The following ESR1 variants were observed in gnomAD, a reference collection of about 807,000 sequenced individuals.
The protein encoded by ESR1 is estrogen receptor.
Under a neutral mutation model 52.7 loss-of-function variants are expected in ESR1, and 12 were observed. The observed-to-expected ratio is 0.23, with a 90% CI of 0.15 to 0.37. The LOEUF (loss-of-function observed/expected upper bound fraction) is 0.37. Ranked by LOEUF, ESR1 falls within the 10% of genes least tolerant of loss-of-function variation. The pLI, the probability that ESR1 is intolerant of heterozygous loss-of-function variation, is 1.00. For missense variants in ESR1, 584 were observed against 779.7 expected (o/e 0.75, Z 2.99); for synonymous variants, 305 against 316.8 (o/e 0.96, Z 0.39).
intron 6 of ESR1, among the ~76,000 whole-genome samples, chr6:152,093,804 C>A (rs2050396007): frequency 6.6e-6 from 1 of 152,170 alleles, no homozygotes; most frequent in Non-Finnish European, 1.5e-5. Flanking sequence ...GGAAAAATCA[C>A]CTTCCAGTCA....
intron 2 of ESR1, among the ~76,000 whole-genome samples, chr6:151,741,644 T>A (rs1783104947): frequency 6.6e-6 from 1 of 152,172 alleles, no homozygotes; most frequent in Non-Finnish European, 1.5e-5. Context: ...CAACTTGATT[T>A]TTTCAAAATT....
At chr6:152,038,203 G>A (rs1368790844) in intron 5 of ESR1, among the ~76,000 whole-genome samples, 1 of 152,180 alleles carries the variant, frequency 6.6e-6, no homozygotes, top group African/African-American at 2.4e-5. Flanking sequence ...ATGGGAGAAA[G>A]ATGGAAGCCA....
intron 2 of ESR1, among the ~76,000 whole-genome samples, chr6:151,767,774 G>A (rs540513527): frequency 6.6e-6 from 1 of 152,296 alleles, no homozygotes; most frequent in East Asian, 1.9e-4. Context: ...AGGTCTAGTG[G>A]CTCCACAACT....
intron 4 of ESR1, among the ~76,000 whole-genome samples, chr6:151,988,025 CT>C (rs2040658225): frequency 1.3e-5 from 2 of 152,180 alleles, no homozygotes; most frequent in African/African-American, 4.8e-5. Flanking sequence ...GTCCCCAACC[CT>C]TTTGGCACCA....
intron 2 of ESR1, among the ~76,000 whole-genome samples, chr6:151,722,879 G>C (rs1455855641): frequency 6.6e-6 from 1 of 152,124 alleles, no homozygotes; most frequent in Non-Finnish European, 1.5e-5. Flanking sequence ...CAGGGTCTGG[G>C]CTTATAAAAA....
intron 3 of ESR1, among the ~76,000 whole-genome samples, chr6:151,906,927 G>T (rs533212869): frequency 6.6e-6 from 1 of 150,588 alleles, no homozygotes; most frequent in South Asian, 2.1e-4. Context: ...AGAGAATTTT[G>T]TTTATTATGT....
At chr6:151,759,099 ACT>A (rs200525909) in intron 2 of ESR1, among the ~76,000 whole-genome samples, 1,804 of 151,914 alleles carry the variant, frequency 0.012, 34 homozygotes, top group African/African-American at 0.041. Flanking sequence ...ACATGGTGAC[ACT>A]CTGTCTCTAC....
chr6:151,716,425 G>A (rs769435819), intron 2 of ESR1, among the ~76,000 whole-genome samples: 14 of 152,142 alleles, frequency 9.2e-5, no homozygotes, highest in Non-Finnish European at 1.8e-4. Context: ...CTGAAGCTGT[G>A]CTCACAGCCG....
At chr6:151,725,027 T>C (rs1028433461) in intron 2 of ESR1, among the ~76,000 whole-genome samples, 17 of 152,218 alleles carry the variant, frequency 1.1e-4, no homozygotes, top group African/African-American at 4.1e-4. Context: ...TGACATTCTA[T>C]GTATTTTCCT....
chr6:151,700,395 G>T (rs560990354), intron 1 of ESR1, among the ~76,000 whole-genome samples: 6 of 151,962 alleles, frequency 3.9e-5, no homozygotes, highest in East Asian at 3.9e-4. Context: ...AGCAATTTCT[G>T]TACCTCCTTA....
At chr6:151,969,726 T>C (rs1474831257) in intron 4 of ESR1, among the ~76,000 whole-genome samples, 1 of 152,218 alleles carries the variant, frequency 6.6e-6, no homozygotes, top group Non-Finnish European at 1.5e-5. Flanking sequence ...TTGCTTAGCC[T>C]GTTTCCATTG....
chr6:152,034,079 G>A (rs1369304000), intron 5 of ESR1, among the ~76,000 whole-genome samples: 1 of 149,680 alleles, frequency 6.7e-6, no homozygotes, highest in Non-Finnish European at 1.5e-5. Context: ...CTCATAGGTG[G>A]GAGTTGAACA....
intron 3 of ESR1, among the ~76,000 whole-genome samples, chr6:151,923,406 T>C (rs1269852628): frequency 6.6e-6 from 1 of 152,210 alleles, no homozygotes; most frequent in African/African-American, 2.4e-5. Flanking sequence ...ATAGTTCCTA[T>C]GGAATAGAAT....
At chr6:152,092,826 C>G (rs897897621) in intron 6 of ESR1, among the ~76,000 whole-genome samples, 1 of 152,168 alleles carries the variant, frequency 6.6e-6, no homozygotes, top group African/African-American at 2.4e-5. Flanking sequence ...CATTTTCTTC[C>G]TGTCCTTGGG....
chr6:151,792,390 A>G (rs1314500287), intron 2 of ESR1, among the ~76,000 whole-genome samples: 1 of 152,056 alleles, frequency 6.6e-6, no homozygotes, highest in African/African-American at 2.4e-5. Context: ...TCTTTCTTCA[A>G]TCAATAATAA....
intron 1 of ESR1, among the ~76,000 whole-genome samples, chr6:151,666,246 C>T (rs1777817879): frequency 6.6e-6 from 1 of 152,068 alleles, no homozygotes; most frequent in African/African-American, 2.4e-5. Context: ...AGACACTGAC[C>T]CTCTTTTTCA....
At chr6:151,743,374 A>T (rs1783242215) in intron 2 of ESR1, among the ~76,000 whole-genome samples, 1 of 152,156 alleles carries the variant, frequency 6.6e-6, no homozygotes, top group African/African-American at 2.4e-5. Context: ...TGTGCAAAGT[A>T]CACAAGAGCC....
intron 2 of ESR1, among the ~76,000 whole-genome samples, chr6:151,790,634 T>C (rs1010436407): frequency 2.0e-5 from 3 of 152,032 alleles, no homozygotes; most frequent in Non-Finnish European, 4.4e-5. Context: ...CTTTGGAATG[T>C]GCCATTTAAT....
At chr6:152,105,960 TG>T (rs1241234450), downstream of ESR1, among the ~76,000 whole-genome samples, 1 of 147,096 alleles carries the variant, frequency 6.8e-6, no homozygotes, top group Non-Finnish European at 1.5e-5. Flanking sequence ...GCTAATTTTT[TG>T]TATTTTTTTT....
Sources: gnomAD v4.1 joint callset for allele counts (sites outside exome capture counted in the v4.1 genomes callset) on GRCh38, gnomAD v4.1.1 for gene constraint, MANE v1.5 for transcripts, NCBI Gene and HGNC (gene_info 2026-07-23, HGNC 2026-07-21) for gene names.